Variants in UBE4B observed in about 807,000 individuals in gnomAD.
UBE4B encodes the protein ubiquitin conjugation factor E4 B.
Under a neutral mutation model 148.1 loss-of-function variants are expected in UBE4B, and 27 were observed. That is an observed-to-expected ratio of 0.18 (90% CI 0.13 to 0.25). The LOEUF is 0.25. Ranked by LOEUF, UBE4B falls within the 10% of genes least tolerant of loss-of-function variation. UBE4B has a pLI of 1.00. For synonymous variants in UBE4B, 596 were observed against 619.3 expected, an observed-to-expected ratio of 0.96 and a Z score of 0.56; for missense variants, 1,170 against 1,662.4, an observed-to-expected ratio of 0.70 and a Z score of 5.15.
chr1:10,112,960 C>T (rs1645245949), intron 7 of UBE4B, among the ~76,000 whole-genome samples: 2 of 152,176 alleles, frequency 1.3e-5, no homozygotes, highest in South Asian at 2.1e-4. Flanking sequence ...TTTAACTCCC[C>T]CCATCTGCCG....
chr1:10,144,052 T>C (rs1645826211), intron 17 of UBE4B, among the ~76,000 whole-genome samples: 1 of 152,058 alleles, frequency 6.6e-6, no homozygotes, highest in African/African-American at 2.4e-5. Context: ...CACAACATCA[T>C]GATAGAAAGG....
rs1643377072 is a variant in UBE4B at position 10,033,440 on chromosome 1, C to T, written c.-231C>T. Reference sequence around the variant, plus strand: ...GCAGTGGCGGCCAAAGGAGGCTGCTCAGGGAACAAGCGGCTGTAGTAGTCT... The same window carrying T: ...GCAGTGGCGGCCAAAGGAGGCTGCTTAGGGAACAAGCGGCTGTAGTAGTCT... On this transcript the variant is annotated 5_prime_UTR_variant, in exon 1 of 28. Transcript: ENST00000343090. 1 of 397,902 alleles carries T rather than the reference C, an allele frequency of 2.5e-6. No individual in the cohort carries two copies. Among genetic ancestry groups the T allele is most frequent in the Non-Finnish European group, 4.4e-6 (1 of 225,998 alleles). 24.6% of individuals were successfully genotyped at this position (397,902 alleles called of 1,614,324 possible).
intron 11 of UBE4B, among the ~76,000 whole-genome samples, chr1:10,127,154 T>C (rs529437970): frequency 6.6e-6 from 1 of 152,194 alleles, no homozygotes; most frequent in South Asian, 2.1e-4. Flanking sequence ...AAAGATAACT[T>C]ATCTCCTAGC....
In UBE4B at chr1:10,075,245, G is replaced by A. The variant is rs371514724; in HGVS notation, c.211+3031G>A. On this transcript the variant is annotated intron_variant, in intron 2 of 27. Coordinates refer to ENST00000343090, the MANE Select transcript of UBE4B (RefSeq NM_001105562.3). ...AAAACTTCACTTACAAAAACAGGCAGTAGCCCAGATTTGGCCTGTGGACTA... is the reference window on the plus strand; with the variant it reads ...AAAACTTCACTTACAAAAACAGGCAATAGCCCAGATTTGGCCTGTGGACTA... Among the ~76,000 whole-genome samples the A allele has an allele frequency of 1.8e-4, 28 of 152,340 alleles. No homozygotes were observed. In the East Asian group the frequency reaches 2.5e-3, roughly 14 times the overall value.
At chr1:10,147,186 T>C in intron 19 of UBE4B, 96 bp downstream of exon 19, 1 of 1,562,850 alleles carries the variant, frequency 6.4e-7, no homozygotes, top group Non-Finnish European at 8.7e-7. Context: ...CAAAACCCTT[T>C]CTTTATCAAG....
intron 16 of UBE4B, among the ~76,000 whole-genome samples, chr1:10,136,363 A>G (rs1468856110): frequency 1.3e-5 from 2 of 151,960 alleles, no homozygotes; most frequent in Non-Finnish European, 2.9e-5. Flanking sequence ...CCAGCCACCC[A>G]GGAGACTGAG....
intron 20 of UBE4B, among the ~76,000 whole-genome samples, chr1:10,149,707 G>A (rs1335630889): frequency 6.6e-6 from 1 of 151,944 alleles, no homozygotes; most frequent in African/African-American, 2.4e-5. Flanking sequence ...GTATTGTAGG[G>A]TTTTAATTTT....
intron 25 of UBE4B, among the ~76,000 whole-genome samples, chr1:10,175,634 G>C (rs1331168284): frequency 2.0e-5 from 3 of 152,002 alleles, no homozygotes; most frequent in African/African-American, 4.8e-5. Context: ...CTGGGCGACA[G>C]AGCGAGACTC....
chr1:10,042,351 G>T (rs748265292), intron 1 of UBE4B, among the ~76,000 whole-genome samples: 11 of 152,096 alleles, frequency 7.2e-5, no homozygotes, highest in Non-Finnish European at 1.6e-4. Context: ...GGAGGAGAGG[G>T]ATAAAAAACA....
intron 23 of UBE4B, among the ~76,000 whole-genome samples, chr1:10,164,560 G>A (rs569862386): frequency 6.1e-4 from 93 of 152,280 alleles, no homozygotes; most frequent in Admixed American, 1.1e-3. Flanking sequence ...GCACATTCTC[G>A]TATTCATAGT....
In UBE4B at chr1:10,168,232, A is replaced by C. The variant is rs749385011; in HGVS notation, c.3295A>C (p.Ile1099Leu). 20 of 1,614,152 alleles carry C rather than the reference A, an allele frequency of 1.2e-5. 1 individual carries two copies. In the South Asian group the frequency reaches 2.0e-4, roughly 16 times the overall value. Reference sequence around the variant, plus strand: ...CACCGAAACCGTGGACATGTTCCACATCCTCACGAAGCAGGTCCAGAAGCC... The same window carrying C: ...CACCGAAACCGTGGACATGTTCCACCTCCTCACGAAGCAGGTCCAGAAGCC... ...LATETVDMFHILTKQVQKPFL... is the reference protein window; with the variant it reads ...LATETVDMFHLLTKQVQKPFL... Residue 1099 changes from isoleucine to leucine, a missense_variant, in exon 24 of 28, where the codon ATC (isoleucine) becomes CTC (leucine). Ile to Leu is a conservative substitution (Grantham distance 5). Coordinates refer to ENST00000343090, the MANE Select transcript of UBE4B (RefSeq NM_001105562.3). This position sits in a 1 kb window ranked among gnomAD's most constrained non-coding sequence, Gnocchi z 4.9.
At position 10,137,146 on chromosome 1, in the gene UBE4B, T is replaced by G; in HGVS notation, c.2304T>G (p.Ser768=). The G allele has an allele frequency of 1.2e-6, 2 of 1,614,150 alleles. No homozygotes were observed. The highest frequency in any genetic ancestry group is 1.7e-6 in the Non-Finnish European group (2 of 1,180,028). The change falls in exon 17 of 28, where the codon TCT becomes TCG. Residue 768 remains serine, a synonymous_variant. Transcript: ENST00000343090. ...FFLTLHAHHL[S]ILPSCRRYIR... is the part of the protein sequence containing the mutation. ...TCACCCTGCATGCTCACCACCTCTC[T>G]ATTCTGCCTAGTTGCCGTCGCTATA...
At chr1:10,121,924 T>G (rs1557573148) in intron 9 of UBE4B, 38 bp from the exon 10 acceptor site, 1 of 1,444,264 alleles carries the variant, frequency 6.9e-7, no homozygotes, top group Non-Finnish European at 9.6e-7. Flanking sequence ...TGTAGTGAGT[T>G]GACTTCATCA....
chr1:10,162,879 T>G (rs1472465350), intron 23 of UBE4B, among the ~76,000 whole-genome samples: 1 of 152,116 alleles, frequency 6.6e-6, no homozygotes, highest in Non-Finnish European at 1.5e-5. Context: ...TTTCTTCTTA[T>G]GTATTAAAGT....
chr1:10,161,464 C>G lies in UBE4B; in HGVS notation c.3198+178C>G, dbSNP rs1006065860. Among the ~76,000 whole-genome samples, 5 of 152,198 alleles carry G rather than the reference C, an allele frequency of 3.3e-5. No homozygotes were observed. The highest frequency in any genetic ancestry group is 7.3e-5 in the Non-Finnish European group (5 of 68,040). ...ATAGGAAAATTCTTAAATACCTTATCTGAAGCTAAGAAATGGGTTGAGAAG... is the reference window on the plus strand; with the variant it reads ...ATAGGAAAATTCTTAAATACCTTATGTGAAGCTAAGAAATGGGTTGAGAAG... On this transcript the variant is annotated intron_variant, in intron 23 of 27. Coordinates refer to ENST00000343090, the MANE Select transcript of UBE4B (RefSeq NM_001105562.3). The surrounding 1 kb of genome is among the most constrained non-coding windows in gnomAD (Gnocchi z 4.1).
intron 11 of UBE4B, among the ~76,000 whole-genome samples, chr1:10,127,915 A>G (rs1375944165): frequency 6.6e-6 from 1 of 152,262 alleles, no homozygotes; most frequent in East Asian, 1.9e-4. Flanking sequence ...CAAACCTGTC[A>G]TGGCACTAAA....
Position 10,068,646 on chromosome 1 carries a change from C to T in UBE4B, c.25-3382C>T, listed in dbSNP as rs373827083. Among the ~76,000 whole-genome samples, 98 of 151,790 alleles carry T rather than the reference C, an allele frequency of 6.5e-4. 5 individuals carry two copies. The South Asian group carries it at 0.02, about 31-fold the overall frequency. On this transcript the variant is annotated intron_variant, in intron 1 of 27. Coordinates refer to ENST00000343090, the MANE Select transcript of UBE4B (RefSeq NM_001105562.3). ...GATTACAGGCATGAGCCACTGTGCC[C>T]GGCCAGTTTTTGTATTTTTAGTAGA... is the stretch of plus-strand genomic sequence containing the variant.
intron 14 of UBE4B, among the ~76,000 whole-genome samples, chr1:10,131,249 G>A (rs1204604351): frequency 2.6e-5 from 4 of 152,188 alleles, no homozygotes; most frequent in Non-Finnish European, 5.9e-5. Flanking sequence ...GGCCGAGTGG[G>A]GTGGATCACC....
chr1:10,072,379 C>CT (rs879194131), intron 2 of UBE4B, 165 bp downstream of exon 2: 6,099 of 644,654 alleles, frequency 9.5e-3, no homozygotes, highest in South Asian at 0.017. Flanking sequence ...TGTGTTATCG[C>CT]TTTTTTTTTT....
Sources: allele counts gnomAD v4.1 joint callset (sites outside exome capture counted in the v4.1 genomes callset), GRCh38; gene constraint gnomAD v4.1.1; non-coding constraint Gnocchi (gnomAD v3.1); transcripts MANE v1.5; gene names NCBI Gene and HGNC (gene_info 2026-07-23, HGNC 2026-07-21).